The following PDE11A variants were observed in gnomAD, a reference collection of about 807,000 sequenced individuals.
PDE11A encodes the protein dual 3',5'-cyclic-AMP and -GMP phosphodiesterase 11A.
A neutral mutation model predicts 100.5 loss-of-function variants in PDE11A; 100 were observed. The observed-to-expected ratio is 1.00, with a 90% CI of 0.85 to 1.18. The LOEUF is 1.18. Among genes scored for constraint, PDE11A ranks in the 50% most tolerant of loss-of-function variants. The pLI, the probability that PDE11A is intolerant of heterozygous loss-of-function variation, is 0.00. For missense variants in PDE11A, 1,141 were observed against 1,152.6 expected (o/e 0.99, Z 0.15); for synonymous variants, 381 against 420.8 (o/e 0.91, Z 1.16).
chr2:177,858,183 A>G (rs1326747358), intron 5 of PDE11A, among the ~76,000 whole-genome samples: 1 of 152,090 alleles, frequency 6.6e-6, no homozygotes, highest in African/African-American at 2.4e-5. Flanking sequence ...GGACATAGGC[A>G]TGGGCAAGGA....
chr2:177,697,700 A>G (rs2081134254), intron 14 of PDE11A, among the ~76,000 whole-genome samples: 1 of 152,204 alleles, frequency 6.6e-6, no homozygotes, highest in Admixed American at 6.5e-5. Context: ...TTATCTTACT[A>G]TGAATATGTT....
intron 2 of PDE11A, among the ~76,000 whole-genome samples, chr2:177,937,743 G>C (rs2085294784): frequency 6.6e-6 from 1 of 152,096 alleles, no homozygotes; most frequent in Non-Finnish European, 1.5e-5. Context: ...ACTTTGCCTT[G>C]ATCTCCAAGG....
intron 18 of PDE11A, among the ~76,000 whole-genome samples, chr2:177,667,684 G>A (rs2080610532): frequency 6.6e-6 from 1 of 152,154 alleles, no homozygotes; most frequent in Admixed American, 6.5e-5. Context: ...TTTATTTCAT[G>A]TCTATATTTC....
At chr2:177,769,936 C>T (rs79540067) in intron 9 of PDE11A, among the ~76,000 whole-genome samples, 1,655 of 150,354 alleles carry the variant, frequency 0.011, 38 homozygotes, top group African/African-American at 0.037. Flanking sequence ...AACTGTAGTT[C>T]CCAAAGGATG....
At chr2:177,826,955 T>C (rs1438635261) in intron 6 of PDE11A, among the ~76,000 whole-genome samples, 1 of 152,222 alleles carries the variant, frequency 6.6e-6, no homozygotes, top group Admixed American at 6.5e-5. Flanking sequence ...TTTCCAATTT[T>C]GCACATTTCC....
At chr2:177,649,748 A>T (rs2080281778) in intron 19 of PDE11A, among the ~76,000 whole-genome samples, 1 of 152,196 alleles carries the variant, frequency 6.6e-6, no homozygotes, top group Non-Finnish European at 1.5e-5. Context: ...CAGTGAAAGG[A>T]ACTGGGTGAC....
intron 13 of PDE11A, chr2:177,702,431 A>AT (rs1403447191): frequency 1.3e-5 from 2 of 152,202 alleles, no homozygotes; most frequent in Admixed American, 1.3e-4. Context: ...AACGGCAGCC[A>AT]TGGGACTCAG....
intron 1 of PDE11A, among the ~76,000 whole-genome samples, chr2:178,026,269 G>A (rs1040298514): frequency 1.8e-4 from 27 of 152,166 alleles, no homozygotes; most frequent in African/African-American, 6.5e-4. Context: ...AATTTATAGA[G>A]TCATAGTGAT....
chr2:178,036,475 C>T (rs750371152), intron 1 of PDE11A, among the ~76,000 whole-genome samples: 2 of 152,070 alleles, frequency 1.3e-5, no homozygotes, highest in African/African-American at 2.4e-5. Context: ...CAATGCTATT[C>T]GCATCAAGCT....
At chr2:178,094,209 A>T (rs2087459779) in intron 2 of PDE11A, among the ~76,000 whole-genome samples, 1 of 152,004 alleles carries the variant, frequency 6.6e-6, no homozygotes, top group South Asian at 2.1e-4. Flanking sequence ...CACCACATAC[A>T]TACACACAGC....
intron 1 of PDE11A, among the ~76,000 whole-genome samples, chr2:178,047,390 G>T (rs1482098767): frequency 6.6e-6 from 1 of 151,570 alleles, no homozygotes; most frequent in Non-Finnish European, 1.5e-5. Flanking sequence ...TTGAACCCAG[G>T]AGGCGGAGGT....
intron 2 of PDE11A, among the ~76,000 whole-genome samples, chr2:177,993,297 A>C (rs1252380350): frequency 6.6e-6 from 1 of 152,136 alleles, no homozygotes; most frequent in Non-Finnish European, 1.5e-5. Flanking sequence ...CAAATAATTA[A>C]TTGTGCAACC....
chr2:177,731,378 C>T (rs1000782802), intron 10 of PDE11A, among the ~76,000 whole-genome samples: 5 of 152,140 alleles, frequency 3.3e-5, no homozygotes, highest in African/African-American at 1.2e-4. Flanking sequence ...GACCTGTTTC[C>T]TTGGGGAAGC....
chr2:177,965,131 C>A (rs146503056), intron 2 of PDE11A, among the ~76,000 whole-genome samples: 2 of 152,108 alleles, frequency 1.3e-5, no homozygotes, highest in East Asian at 3.9e-4. Context: ...TGTTGCTGAG[C>A]TTTTTTCACA....
rs771342942 is a variant in PDE11A at position 178,014,465 on chromosome 2, A to G, written c.913-5T>C. On this transcript the variant is annotated splice_polypyrimidine_tract_variant and splice_region_variant and intron_variant, in intron 1 of 19. Transcript: ENST00000286063. Reference sequence around the variant, plus strand: ...TTCATCATTGAATCGTCGATCCTAAAAATAAGACAAAGAAAGCATTAACTG... The same window carrying G: ...TTCATCATTGAATCGTCGATCCTAAGAATAAGACAAAGAAAGCATTAACTG... 1 of 1,611,174 alleles carries G rather than the reference A, an allele frequency of 6.2e-7. No homozygotes were observed. Among genetic ancestry groups the G allele is most frequent in the South Asian group, 1.1e-5 (1 of 90,994 alleles).
At chr2:177,890,594 G>C (rs554564050) in intron 4 of PDE11A, among the ~76,000 whole-genome samples, 2 of 152,274 alleles carry the variant, frequency 1.3e-5, no homozygotes, top group Admixed American at 6.5e-5. Flanking sequence ...TTCTTTTGTG[G>C]ATTATGGAGT....
At chr2:177,696,711 A>AT in intron 15 of PDE11A, among the ~76,000 whole-genome samples, 1 of 152,276 alleles carries the variant, frequency 6.6e-6, no homozygotes, top group African/African-American at 2.4e-5. Flanking sequence ...CAAATGAAAA[A>AT]TTTTTTTAAG....
At chr2:177,863,171 C>G (rs1310551750) in intron 5 of PDE11A, among the ~76,000 whole-genome samples, 1 of 151,832 alleles carries the variant, frequency 6.6e-6, no homozygotes, top group Admixed American at 6.6e-5. Flanking sequence ...ACACCATACA[C>G]AAAAATCAAC....
At chr2:177,876,282 A>G (rs892009584) in intron 4 of PDE11A, among the ~76,000 whole-genome samples, 6 of 123,370 alleles carry the variant, frequency 4.9e-5, no homozygotes, top group Non-Finnish European at 1.0e-4. Context: ...AGACCCAGGT[A>G]GGGACAGAAC....
Sources: allele counts gnomAD v4.1 joint callset (sites outside exome capture counted in the v4.1 genomes callset), GRCh38; gene constraint gnomAD v4.1.1; transcripts MANE v1.5; gene names NCBI Gene and HGNC (gene_info 2026-07-23, HGNC 2026-07-21).